The following NRXN3 variants were observed in gnomAD, a reference collection of about 807,000 sequenced individuals.
NRXN3 encodes neurexin III.
NRXN3 carries 32 observed loss-of-function variants against 137.6 expected under a neutral mutation model. The ratio of observed to expected loss-of-function variants is 0.23; its 90% confidence interval spans 0.18 to 0.31. The LOEUF (loss-of-function observed/expected upper bound fraction) is 0.31. Among genes scored for constraint, NRXN3 ranks in the 10% least tolerant of loss-of-function variants. The pLI, the probability that NRXN3 is intolerant of heterozygous loss-of-function variation, is 1.00. For synonymous variants in NRXN3, 798 were observed against 784.5 expected (o/e 1.02, Z -0.29); for missense variants, 1,574 against 2,062.5 (o/e 0.76, Z 4.59).
chr14:79,305,539 A>T (rs1377655502), intron 15 of NRXN3, among the ~76,000 whole-genome samples: 3 of 152,090 alleles, frequency 2.0e-5, no homozygotes, highest in Non-Finnish European at 4.4e-5. Flanking sequence ...CATTTTCAAG[A>T]TAGGGAACTG....
chr14:79,540,261 A>ATTATATAAATATATACTTATATATATAT (rs2097259470), intron 16 of NRXN3, among the ~76,000 whole-genome samples: 1 of 151,840 alleles, frequency 6.6e-6, no homozygotes, highest in Non-Finnish European at 1.5e-5. Context: ...TGTGCTGGGT[A>ATTATATAAATATATACTTATATATATAT]TTATGCATAT....
chr14:79,397,494 C>T (rs1325577858), intron 15 of NRXN3, among the ~76,000 whole-genome samples: 2 of 152,190 alleles, frequency 1.3e-5, no homozygotes, highest in East Asian at 3.8e-4. Context: ...GGCACTTTGC[C>T]TCCCTGTTTC....
chr14:78,385,430 C>T (rs1333155355), intron 4 of NRXN3, among the ~76,000 whole-genome samples: 4 of 151,950 alleles, frequency 2.6e-5, no homozygotes, highest in South Asian at 2.1e-4. Flanking sequence ...TAAGTCAGCA[C>T]AAAAAATTGA....
intron 15 of NRXN3, among the ~76,000 whole-genome samples, chr14:79,116,384 C>T (rs2054446661): frequency 6.6e-6 from 1 of 152,196 alleles, no homozygotes; most frequent in African/African-American, 2.4e-5. Context: ...TCTTTCATAG[C>T]TTCCATCTCT....
At chr14:79,325,572 C>T (rs183339318) in intron 15 of NRXN3, among the ~76,000 whole-genome samples, 95 of 152,284 alleles carry the variant, frequency 6.2e-4, no homozygotes, top group African/African-American at 2.2e-3. Flanking sequence ...TCATTTAGTT[C>T]CCTAGTGGCT....
At chr14:79,655,178 G>A (rs577515455) in intron 16 of NRXN3, among the ~76,000 whole-genome samples, 41 of 152,322 alleles carry the variant, frequency 2.7e-4, no homozygotes, top group African/African-American at 9.9e-4. Context: ...TTTTGCCAGA[G>A]GAGATGAATG....
chr14:79,370,467 C>T (rs143780598), intron 15 of NRXN3, among the ~76,000 whole-genome samples: 4 of 151,550 alleles, frequency 2.6e-5, no homozygotes, highest in South Asian at 2.1e-4. Flanking sequence ...TACAGGCATG[C>T]GCTACCATGC....
At chr14:78,951,562 CCTTA>C (rs968373168) in intron 10 of NRXN3, among the ~76,000 whole-genome samples, 5 of 152,116 alleles carry the variant, frequency 3.3e-5, no homozygotes, top group African/African-American at 9.7e-5. Context: ...TATTACCCTG[CCTTA>C]TTTTAGATAG....
chr14:79,301,460 C>T (rs980033832), intron 15 of NRXN3, among the ~76,000 whole-genome samples: 1 of 151,924 alleles, frequency 6.6e-6, no homozygotes, highest in Non-Finnish European at 1.5e-5. Context: ...ACTCAACCTG[C>T]GCTGCTCGTA....
chr14:78,617,304 G>GA (rs2097356409), intron 4 of NRXN3, among the ~76,000 whole-genome samples: 2 of 152,316 alleles, frequency 1.3e-5, no homozygotes, highest in African/African-American at 4.8e-5. Flanking sequence ...GAGCAGGAGA[G>GA]AATACACATC....
At chr14:78,677,734 T>C (rs1284264691) in intron 6 of NRXN3, among the ~76,000 whole-genome samples, 1 of 152,172 alleles carries the variant, frequency 6.6e-6, no homozygotes, top group Admixed American at 6.5e-5. Context: ...AAGAAATCTT[T>C]TGTGAAAGGA....
chr14:79,429,160 C>T (rs1045721010), intron 15 of NRXN3, among the ~76,000 whole-genome samples: 2 of 151,946 alleles, frequency 1.3e-5, no homozygotes, highest in Non-Finnish European at 2.9e-5. Flanking sequence ...CAAAGTTAAG[C>T]AAATATAGAT....
intron 19 of NRXN3, among the ~76,000 whole-genome samples, chr14:79,752,184 T>C (rs1166721464): frequency 6.6e-6 from 1 of 151,840 alleles, no homozygotes; most frequent in Non-Finnish European, 1.5e-5. Flanking sequence ...AGAATTCGGC[T>C]GTGAATCCAT....
intron 15 of NRXN3, among the ~76,000 whole-genome samples, chr14:79,035,185 T>C (rs2099614066): frequency 6.6e-6 from 1 of 152,120 alleles, no homozygotes; most frequent in African/African-American, 2.4e-5. Flanking sequence ...CTATCAGAGG[T>C]AAATTGAAAA....
At chr14:79,754,485 T>G (rs1340227092) in intron 19 of NRXN3, among the ~76,000 whole-genome samples, 2 of 131,332 alleles carry the variant, frequency 1.5e-5, no homozygotes, top group Non-Finnish European at 3.2e-5. Flanking sequence ...GAGGGAAGAC[T>G]CACTCTCACT....
intron 4 of NRXN3, among the ~76,000 whole-genome samples, chr14:78,490,825 C>T (rs1209452309): frequency 6.6e-6 from 1 of 152,172 alleles, no homozygotes; most frequent in Non-Finnish European, 1.5e-5. Flanking sequence ...AAGGCACAGA[C>T]AGAGTAGGTA....
chr14:79,422,607 A>G (rs2095595139), intron 15 of NRXN3, among the ~76,000 whole-genome samples: 1 of 152,070 alleles, frequency 6.6e-6, no homozygotes, highest in South Asian at 2.1e-4. Flanking sequence ...GAAAGGTCAA[A>G]TTTGAAAAAT....
chr14:79,526,686 C>T (rs1023678459), intron 16 of NRXN3, among the ~76,000 whole-genome samples: 4 of 152,092 alleles, frequency 2.6e-5, no homozygotes, highest in African/African-American at 9.7e-5. Context: ...TACCTGCTGT[C>T]CTAGAGTTTA....
At chr14:79,619,473 C>T (rs2098198017) in intron 16 of NRXN3, among the ~76,000 whole-genome samples, 1 of 152,056 alleles carries the variant, frequency 6.6e-6, no homozygotes, top group Non-Finnish European at 1.5e-5. Flanking sequence ...CGAGTCCTTT[C>T]CCCATTGCTT....
Sources: allele counts gnomAD v4.1 joint callset (sites outside exome capture counted in the v4.1 genomes callset), GRCh38; gene constraint gnomAD v4.1.1; transcripts MANE v1.5; gene names NCBI Gene and HGNC (gene_info 2026-07-23, HGNC 2026-07-21).